The following KCNT2 variants were observed in gnomAD, a reference collection of about 807,000 sequenced individuals.
KCNT2 encodes potassium sodium-activated channel subfamily T member 2, also known as potassium channel subfamily T member 2.
A neutral mutation model predicts 153.8 loss-of-function variants in KCNT2; 67 were observed. The observed-to-expected ratio is 0.44, with a 90% CI of 0.36 to 0.53. The LOEUF (loss-of-function observed/expected upper bound fraction) is 0.53, where lower values mean the gene tolerates loss of function less well. KCNT2 is among the 20% of genes least tolerant of loss of function. The pLI is 0.00. For missense variants in KCNT2, 975 were observed against 1,354.8 expected, an observed-to-expected ratio of 0.72 and a Z score of 4.40; for synonymous variants, 500 against 458.8, an observed-to-expected ratio of 1.09 and a Z score of -1.15.
At position 196,608,271 on chromosome 1, in the gene KCNT2, G is replaced by A; in HGVS notation, c.39C>T (p.Pro13=). ...DLESEVPPLP[P]RYRFRDLLLG... is the part of the protein sequence containing the mutation. ...GCAGCAAATCTCGAAACCTGTACCT[G>A]GGAGGCAGAGGGGGCACTTCGCTCT... is the stretch of plus-strand genomic sequence containing the variant. The change falls in exon 1 of 28, where the codon CCC becomes CCT. Residue 13 remains proline, a synonymous_variant. Coordinates refer to ENST00000294725, the MANE Select transcript of KCNT2 (RefSeq NM_198503.5). 1 of 1,614,118 alleles carries A rather than the reference G, an allele frequency of 6.2e-7. No homozygotes were observed. Among genetic ancestry groups the A allele is most frequent in the South Asian group, 1.1e-5 (1 of 91,070 alleles).
intron 1 of KCNT2, among the ~76,000 whole-genome samples, chr1:196,506,372 A>C (rs1393065033): frequency 6.6e-6 from 1 of 152,212 alleles, no homozygotes. Context: ...TAATTGGAAA[A>C]ACAAAAACTG....
chr1:196,303,318 C>G (rs1410963191), intron 22 of KCNT2, among the ~76,000 whole-genome samples: 1 of 152,098 alleles, frequency 6.6e-6, no homozygotes, highest in Non-Finnish European at 1.5e-5. Context: ...TTAAATTGTG[C>G]CTTCTTGCCT....
At chr1:196,299,077 A>G (rs866357663) in intron 22 of KCNT2, among the ~76,000 whole-genome samples, 19 of 152,188 alleles carry the variant, frequency 1.2e-4, no homozygotes, top group African/African-American at 3.4e-4. Flanking sequence ...GCACAGATAC[A>G]CACATTAATA....
intron 6 of KCNT2, 150 bp downstream of exon 6, chr1:196,468,844 C>G (rs534664822): frequency 1.7e-6 from 1 of 579,872 alleles, no homozygotes; most frequent in African/African-American, 1.9e-5. Flanking sequence ...ACGATCCAAC[C>G]AATTTTATCT....
At chr1:196,401,687 C>T (rs1313220904) in intron 12 of KCNT2, among the ~76,000 whole-genome samples, 1 of 151,530 alleles carries the variant, frequency 6.6e-6, no homozygotes, top group Non-Finnish European at 1.5e-5. Flanking sequence ...AGTTCAGGAA[C>T]TTGTGTAACA....
chr1:196,260,012 C>A (rs1656861121), intron 25 of KCNT2, among the ~76,000 whole-genome samples: 1 of 151,750 alleles, frequency 6.6e-6, no homozygotes, highest in Non-Finnish European at 1.5e-5. Flanking sequence ...GTACCACCAA[C>A]AATAATATCA....
intron 1 of KCNT2, among the ~76,000 whole-genome samples, chr1:196,573,950 G>GGA (rs372397810): frequency 6.0e-5 from 9 of 150,366 alleles, no homozygotes; most frequent in Non-Finnish European, 1.2e-4. Context: ...TCTTGAAGGG[G>GGA]GAGAGAGAGA....
At chr1:196,251,183 GC>G in intron 26 of KCNT2, among the ~76,000 whole-genome samples, 1 of 152,094 alleles carries the variant, frequency 6.6e-6, no homozygotes, top group Non-Finnish European at 1.5e-5. Flanking sequence ...ATTCACAATA[GC>G]CAAGATTTGG....
At chr1:196,308,662 G>T (rs1170214657) in intron 21 of KCNT2, among the ~76,000 whole-genome samples, 4 of 151,900 alleles carry the variant, frequency 2.6e-5, no homozygotes, top group African/African-American at 9.7e-5. Flanking sequence ...AGGAAACTGA[G>T]GACCAAAGAG....
chr1:196,356,146 C>T (rs1266732969), intron 14 of KCNT2, among the ~76,000 whole-genome samples: 3 of 151,760 alleles, frequency 2.0e-5, no homozygotes, highest in African/African-American at 7.2e-5. Context: ...TCTGCTGTCT[C>T]TCCATGTTGT....
chr1:196,257,998 A>C (rs1382688909), intron 26 of KCNT2, 196 bp downstream of exon 26: 1 of 1,398,000 alleles, frequency 7.2e-7, no homozygotes, highest in Non-Finnish European at 9.3e-7. Context: ...CAGACTCAGC[A>C]AACGCTGAAA....
intron 19 of KCNT2, among the ~76,000 whole-genome samples, chr1:196,320,185 T>G (rs761376220): frequency 1.5e-4 from 23 of 151,784 alleles, no homozygotes; most frequent in Non-Finnish European, 2.9e-4. Context: ...AGTCTTTACT[T>G]ATATACATAT....
intron 14 of KCNT2, among the ~76,000 whole-genome samples, chr1:196,363,255 G>A (rs1667772903): frequency 6.6e-6 from 1 of 151,896 alleles, no homozygotes; most frequent in Admixed American, 6.6e-5. Flanking sequence ...TTCCATCTTA[G>A]CCCATTAGGA....
At chr1:196,566,648 T>TTAGAGATGTAAATG (rs1331787301) in intron 1 of KCNT2, among the ~76,000 whole-genome samples, 3 of 152,054 alleles carry the variant, frequency 2.0e-5, no homozygotes, top group African/African-American at 7.2e-5. Context: ...TACCCATAGT[T>TTAGAGATGTAAATG]TCACAATGAA....
At chr1:196,508,623 A>G (rs1361688591) in intron 1 of KCNT2, among the ~76,000 whole-genome samples, 1 of 152,240 alleles carries the variant, frequency 6.6e-6, no homozygotes, top group Non-Finnish European at 1.5e-5. Flanking sequence ...CAAACATGTA[A>G]CCAAAAGGTG....
chr1:196,480,208 T>C (rs1455735925), intron 4 of KCNT2, among the ~76,000 whole-genome samples: 1 of 152,156 alleles, frequency 6.6e-6, no homozygotes, highest in Non-Finnish European at 1.5e-5. Flanking sequence ...AAACAAAAAG[T>C]GTCTCAGGTA....
At chr1:196,586,255 C>T (rs537171514) in intron 1 of KCNT2, among the ~76,000 whole-genome samples, 1 of 151,992 alleles carries the variant, frequency 6.6e-6, no homozygotes, top group African/African-American at 2.4e-5. Flanking sequence ...TAGAGTGAGA[C>T]TCTGTTTCAA....
chr1:196,494,318 C>T (rs1680079821), intron 1 of KCNT2, among the ~76,000 whole-genome samples: 1 of 152,134 alleles, frequency 6.6e-6, no homozygotes, highest in Non-Finnish European at 1.5e-5. Flanking sequence ...AGATTTGCTT[C>T]CTAGAATTAC....
At chr1:196,486,990 A>C (rs1414862749) in intron 3 of KCNT2, among the ~76,000 whole-genome samples, 1 of 151,966 alleles carries the variant, frequency 6.6e-6, no homozygotes, top group African/African-American at 2.4e-5. Context: ...CAGGTTAGAC[A>C]ACCAACTATC....
Sources: allele counts gnomAD v4.1 joint callset (sites outside exome capture counted in the v4.1 genomes callset), GRCh38; gene constraint gnomAD v4.1.1; transcripts MANE v1.5; gene names NCBI Gene and HGNC (gene_info 2026-07-23, HGNC 2026-07-21).